The following MAGI2 variants were observed in gnomAD, a reference collection of about 807,000 sequenced individuals.
MAGI2 encodes membrane associated guanylate kinase, WW and PDZ domain containing 2.
MAGI2 carries 35 observed loss-of-function variants against 133.3 expected under a neutral mutation model. The observed-to-expected ratio is 0.26, with a 90% CI of 0.20 to 0.35. The LOEUF (loss-of-function observed/expected upper bound fraction) is 0.35. MAGI2 is among the 10% of genes least tolerant of loss of function. The pLI, the probability that MAGI2 is intolerant of heterozygous loss-of-function variation, is 1.00. For missense variants in MAGI2, 1,636 were observed against 1,863.4 expected (o/e 0.88, Z 2.25); for synonymous variants, 729 against 710.6 (o/e 1.03, Z -0.41).
chr7:78,431,105 T>TGTGTGTGTGTGTG, intron 6 of MAGI2, among the ~76,000 whole-genome samples: 3 of 151,580 alleles, frequency 2.0e-5, no homozygotes, highest in African/African-American at 7.3e-5. Flanking sequence ...TGTGTGTGTG[T>TGTGTGTGTGTGTG]TTTAAGCAAA....
At chr7:78,947,291 C>T (rs1801499094) in intron 2 of MAGI2, among the ~76,000 whole-genome samples, 1 of 152,082 alleles carries the variant, frequency 6.6e-6, no homozygotes, top group Non-Finnish European at 1.5e-5. Context: ...TCACCTCACC[C>T]AAATACGTGA....
chr7:79,062,495 T>G (rs112575989), intron 1 of MAGI2, among the ~76,000 whole-genome samples: 298 of 152,180 alleles, frequency 2.0e-3, no homozygotes, highest in African/African-American at 6.9e-3. Flanking sequence ...CTTAAAAACC[T>G]ATGCAAAAGA....
At chr7:78,096,551 T>G (rs1012283158) in intron 20 of MAGI2, among the ~76,000 whole-genome samples, 2 of 152,198 alleles carry the variant, frequency 1.3e-5, no homozygotes, top group Admixed American at 6.5e-5. Flanking sequence ...AGAGTTAACA[T>G]TGGAATTAAT....
chr7:79,303,189 C>T (rs1342857357), intron 1 of MAGI2, among the ~76,000 whole-genome samples: 1 of 152,054 alleles, frequency 6.6e-6, no homozygotes, highest in African/African-American at 2.4e-5. Context: ...CACAAAGCTA[C>T]ATTTGGGGTA....
At chr7:78,795,494 A>C (rs1787530760) in intron 2 of MAGI2, among the ~76,000 whole-genome samples, 1 of 152,094 alleles carries the variant, frequency 6.6e-6, no homozygotes, top group African/African-American at 2.4e-5. Context: ...TTGAGAAGTG[A>C]CACATCTCTA....
intron 10 of MAGI2, among the ~76,000 whole-genome samples, chr7:78,202,682 C>CAAA (rs59358280): frequency 0.18 from 12,603 of 70,156 alleles, 1,477 homozygotes; most frequent in African/African-American, 0.25. Flanking sequence ...GACTCTGTCT[C>CAAA]AAAAAAAAAA....
chr7:79,155,973 A>G (rs1307978693), intron 1 of MAGI2, among the ~76,000 whole-genome samples: 1 of 152,114 alleles, frequency 6.6e-6, no homozygotes, highest in African/African-American at 2.4e-5. Flanking sequence ...CCTGAATGCT[A>G]ACATTTGGTA....
intron 1 of MAGI2, among the ~76,000 whole-genome samples, chr7:79,277,337 G>A (rs968115318): frequency 1.3e-5 from 2 of 152,000 alleles, no homozygotes; most frequent in African/African-American, 4.8e-5. Flanking sequence ...CATACATTGT[G>A]TTTTTTTAGA....
At chr7:79,299,794 T>C (rs1837250326) in intron 1 of MAGI2, among the ~76,000 whole-genome samples, 1 of 152,118 alleles carries the variant, frequency 6.6e-6, no homozygotes, top group Non-Finnish European at 1.5e-5. Flanking sequence ...GTTTGGATCA[T>C]GGGAGCAGAT....
chr7:78,608,196 T>A (rs564648808), intron 3 of MAGI2, among the ~76,000 whole-genome samples: 2 of 152,094 alleles, frequency 1.3e-5, no homozygotes, highest in South Asian at 4.2e-4. Flanking sequence ...TGTAAAGGGG[T>A]AATTACCTTT....
intron 2 of MAGI2, among the ~76,000 whole-genome samples, chr7:78,840,837 TTG>T (rs1792082337): frequency 6.6e-6 from 1 of 151,536 alleles, no homozygotes; most frequent in East Asian, 1.9e-4. Context: ...TGAATCTCCT[TTG>T]TTTTTTCATT....
intron 1 of MAGI2, among the ~76,000 whole-genome samples, chr7:79,399,079 C>CTTTTTTTTT (rs1197197628): frequency 1.7e-5 from 2 of 114,610 alleles, no homozygotes; most frequent in African/African-American, 7.5e-5. Context: ...AGTATTATTT[C>CTTTTTTTTT]TTTTTTTTTT....
In MAGI2 at chr7:78,163,418, C is replaced by T. The variant is rs561583581; in HGVS notation, c.2597-3145G>A. Among the ~76,000 whole-genome samples, 18 of 152,232 alleles carry T rather than the reference C, an allele frequency of 1.2e-4. 1 individual carries two copies. The South Asian group carries it at 3.1e-3, about 26-fold the overall frequency. ...CCTCCCAAAGTGCTGGGATTACAGG[C>T]GTGAGCCACCGTGCCTGGCCTAAAT... On this transcript the variant is annotated intron_variant, in intron 15 of 21. Transcript: ENST00000354212.
At chr7:79,171,770 A>T (rs866691802) in intron 1 of MAGI2, among the ~76,000 whole-genome samples, 453 of 31,194 alleles carry the variant, frequency 0.015, 27 homozygotes, top group African/African-American at 0.021. Context: ...ATATATATAT[A>T]TTTTTTTTTT....
intron 1 of MAGI2, among the ~76,000 whole-genome samples, chr7:79,206,035 A>G (rs1829024151): frequency 6.6e-6 from 1 of 151,800 alleles, no homozygotes; most frequent in Non-Finnish European, 1.5e-5. Context: ...ATATATGAAA[A>G]TGGAAACACA....
At chr7:78,599,296 C>T (rs923182121) in intron 3 of MAGI2, among the ~76,000 whole-genome samples, 1 of 152,052 alleles carries the variant, frequency 6.6e-6, no homozygotes, top group African/African-American at 2.4e-5. Context: ...TATTTCTGTG[C>T]CTCGTATTAA....
At chr7:79,200,986 G>T (rs2129551890) in intron 1 of MAGI2, among the ~76,000 whole-genome samples, 1 of 152,110 alleles carries the variant, frequency 6.6e-6, no homozygotes, top group African/African-American at 2.4e-5. Flanking sequence ...GGCCTAAAAT[G>T]TCACGAGTAC....
At chr7:78,550,084 T>C (rs1040443216) in intron 3 of MAGI2, among the ~76,000 whole-genome samples, 1 of 152,294 alleles carries the variant, frequency 6.6e-6, no homozygotes, top group East Asian at 1.9e-4. Flanking sequence ...GAAAGCACCG[T>C]CTACAAACCA....
intron 2 of MAGI2, among the ~76,000 whole-genome samples, chr7:78,796,405 AG>A (rs1352265120): frequency 6.6e-6 from 1 of 152,164 alleles, no homozygotes. Context: ...ACTAATCATC[AG>A]GTAAACACAA....
Sources: gnomAD v4.1 joint callset for allele counts (sites outside exome capture counted in the v4.1 genomes callset) on GRCh38, gnomAD v4.1.1 for gene constraint, MANE v1.5 for transcripts, NCBI Gene and HGNC (gene_info 2026-07-23, HGNC 2026-07-21) for gene names.